Variants in MGMT observed in about 807,000 individuals in gnomAD.
The protein encoded by MGMT is O-6-methylguanine-DNA methyltransferase.
A neutral mutation model predicts 15.9 loss-of-function variants in MGMT; 14 were observed. The observed-to-expected ratio is 0.88, with a 90% CI of 0.58 to 1.37. The LOEUF (loss-of-function observed/expected upper bound fraction) is 1.37, where lower values mean the gene tolerates loss of function less well. MGMT is among the 40% of genes most tolerant of loss of function. MGMT has a pLI of 0.00. For missense variants in MGMT, 282 were observed against 268.1 expected (o/e 1.05, Z -0.36); for synonymous variants, 130 against 118.2 (o/e 1.10, Z -0.65).
Position 129,512,081 on chromosome 10 carries a change from A to C in MGMT, c.-12-24160A>C, listed in dbSNP as rs575099114. On this transcript the variant is annotated intron_variant, in intron 1 of 4. Coordinates refer to ENST00000651593, the MANE Select transcript of MGMT (RefSeq NM_002412.5). ...AATTTGCTAAGTGTCTGCTCTGCAG[A>C]TGCAGGATGCTGGAGATGGGGGGCG... 1.3e-4 allele frequency among the ~76,000 whole-genome samples: 20 copies of C among 152,288 alleles called. No homozygotes were observed. In the East Asian group the frequency reaches 3.7e-3, roughly 28 times the overall value.
chr10:129,697,683 C>T (rs954032910), intron 2 of MGMT, among the ~76,000 whole-genome samples: 3 of 152,176 alleles, frequency 2.0e-5, no homozygotes, highest in African/African-American at 7.2e-5. Flanking sequence ...TTCATGTACC[C>T]CTGCCCAAGG....
intron 2 of MGMT, among the ~76,000 whole-genome samples, chr10:129,561,560 G>A (rs1046990188): frequency 6.6e-6 from 1 of 152,132 alleles, no homozygotes; most frequent in African/African-American, 2.4e-5. Flanking sequence ...GTCAATTTCG[G>A]TGTCAAGGTG....
rs898471293 is a variant in MGMT at position 129,711,948 on chromosome 10, T to G, written c.274+3905T>G. On this transcript the variant is annotated intron_variant, in intron 3 of 4. Coordinates refer to ENST00000651593, the MANE Select transcript of MGMT (RefSeq NM_002412.5). ...TTCTTAGTGTTTATTTATGAAAATG[T>G]TTAGCTTCTTTATATAATGTGCCTT... Among the ~76,000 whole-genome samples the G allele has an allele frequency of 2.0e-5, 3 of 152,350 alleles. No homozygotes were observed. The East Asian group carries it at 5.8e-4, about 29-fold the overall frequency.
chr10:129,766,911 G>A lies in MGMT; in HGVS notation c.538G>A (p.Gly180Ser), dbSNP rs752726386. 20 of 1,613,496 alleles carry A rather than the reference G, an allele frequency of 1.2e-5. No homozygotes were observed. The Admixed American group carries it at 3.2e-4, about 26-fold the overall frequency. ...AHEGHRLGKPGLGGSSGLAGA... is the reference protein window; with the variant it reads ...AHEGHRLGKPSLGGSSGLAGA... ...TGAAGGCCACCGGTTGGGGAAGCCA[G>A]GCTTGGGAGGGAGCTCAGGTCTGGC... The change falls in exon 5 of 5, where the codon GGC (glycine) becomes AGC (serine). Residue 180 changes from glycine to serine, a missense_variant. Coordinates refer to ENST00000651593, the MANE Select transcript of MGMT (RefSeq NM_002412.5).
intron 2 of MGMT, among the ~76,000 whole-genome samples, chr10:129,702,901 C>G (rs1848116258): frequency 6.6e-6 from 1 of 152,164 alleles, no homozygotes; most frequent in Non-Finnish European, 1.5e-5. Flanking sequence ...AGGAACTCCC[C>G]CGTGATAAGC....
At chr10:129,708,101 G>A (rs868057304) in intron 3 of MGMT, 58 bp downstream of exon 3, 12 of 1,548,102 alleles carry the variant, frequency 7.8e-6, no homozygotes, top group African/African-American at 2.8e-5. Flanking sequence ...ATTAACGATC[G>A]CTGACATCAC....
intron 2 of MGMT, among the ~76,000 whole-genome samples, chr10:129,688,978 G>C (rs117955772): frequency 0.013 from 1,951 of 151,910 alleles, 17 homozygotes; most frequent in Middle Eastern, 0.024. Flanking sequence ...TTGTTTTTGA[G>C]ACAGGGTCTC....
At chr10:129,593,731 A>T (rs1846717424) in intron 2 of MGMT, among the ~76,000 whole-genome samples, 1 of 152,154 alleles carries the variant, frequency 6.6e-6, no homozygotes, top group Non-Finnish European at 1.5e-5. Flanking sequence ...TACGCCACAG[A>T]CACCCAGGGC....
intron 1 of MGMT, among the ~76,000 whole-genome samples, chr10:129,467,805 A>C (rs1390680505): frequency 2.0e-5 from 3 of 152,204 alleles, no homozygotes; most frequent in Non-Finnish European, 2.9e-5. Context: ...AACTGTATTC[A>C]TCAACACTTA....
rs553119890 is a variant in MGMT at position 129,656,231 on chromosome 10, C to T, written c.126-51664C>T. On this transcript the variant is annotated intron_variant, in intron 2 of 4. Transcript: ENST00000651593. ...TCTTCAGTGGAGTCTGGACTGCAGT[C>T]GGGAGGTGACAAACATCCATGGCAT... 3.1e-3 allele frequency among the ~76,000 whole-genome samples: 471 copies of T among 152,316 alleles called. 1 individual carries two copies. Among genetic ancestry groups the T allele is most frequent in the Non-Finnish European group, 4.9e-3 (334 of 68,022 alleles).
At chr10:129,700,891 G>A (rs1366170588) in intron 2 of MGMT, 3 of 152,116 alleles carry the variant, frequency 2.0e-5, no homozygotes, top group Non-Finnish European at 4.4e-5. Flanking sequence ...GTGATATTTA[G>A]CAAGAGTCTC....
intron 2 of MGMT, among the ~76,000 whole-genome samples, chr10:129,595,067 C>A (rs1331615782): frequency 6.6e-6 from 1 of 152,204 alleles, no homozygotes; most frequent in Non-Finnish European, 1.5e-5. Context: ...CAGATCTTCG[C>A]CAGGGTCCTG....
At chr10:129,542,184 T>A (rs1846049380) in intron 2 of MGMT, among the ~76,000 whole-genome samples, 1 of 152,122 alleles carries the variant, frequency 6.6e-6, no homozygotes, top group Admixed American at 6.5e-5. Context: ...GCGTTTTGCC[T>A]CTCTCCTGCT....
At chr10:129,508,331 G>T (rs574394900) in intron 1 of MGMT, among the ~76,000 whole-genome samples, 2 of 152,274 alleles carry the variant, frequency 1.3e-5, no homozygotes, top group East Asian at 3.9e-4. Context: ...TGTACCAGGG[G>T]TTGGCAGGGG....
intron 1 of MGMT, among the ~76,000 whole-genome samples, chr10:129,503,772 G>A (rs1049997391): frequency 3.3e-5 from 5 of 152,198 alleles, no homozygotes; most frequent in Non-Finnish European, 5.9e-5. Flanking sequence ...GAATTCTGTC[G>A]GATCCAGGGG....
At chr10:129,507,910 C>T (rs1485672863) in intron 1 of MGMT, among the ~76,000 whole-genome samples, 2 of 152,104 alleles carry the variant, frequency 1.3e-5, no homozygotes, top group East Asian at 3.8e-4. Context: ...CTCATTCCAC[C>T]ACAGGTTTGT....
chr10:129,579,136 A>G (rs942550671), intron 2 of MGMT, among the ~76,000 whole-genome samples: 8 of 152,244 alleles, frequency 5.3e-5, no homozygotes, highest in African/African-American at 1.9e-4. Context: ...TTGAATTAAA[A>G]CAAGAAATTA....
chr10:129,468,476 G>A (rs1173366470), intron 1 of MGMT, among the ~76,000 whole-genome samples: 1 of 152,024 alleles, frequency 6.6e-6, no homozygotes, highest in Non-Finnish European at 1.5e-5. Context: ...CCTCTGTCTC[G>A]GGTTGGAATT....
chr10:129,620,388 T>A (rs908903386), intron 2 of MGMT, among the ~76,000 whole-genome samples: 2 of 152,228 alleles, frequency 1.3e-5, no homozygotes, highest in Non-Finnish European at 2.9e-5. Flanking sequence ...CCCTATCTTC[T>A]GACTTTGTCT....
Sources: allele counts gnomAD v4.1 joint callset (sites outside exome capture counted in the v4.1 genomes callset), GRCh38; gene constraint gnomAD v4.1.1; transcripts MANE v1.5; gene names NCBI Gene and HGNC (gene_info 2026-07-23, HGNC 2026-07-21).